The following FHIP1A variants were observed in gnomAD, a reference collection of about 807,000 sequenced individuals.
The protein encoded by FHIP1A is FHF complex subunit HOOK interacting protein 1A.
Under a neutral mutation model 88.6 loss-of-function variants are expected in FHIP1A, and 61 were observed. The ratio of observed to expected loss-of-function variants is 0.69; its 90% confidence interval spans 0.56 to 0.85. FHIP1A has a LOEUF of 0.85. FHIP1A is among the 40% of genes least tolerant of loss of function. FHIP1A has a pLI of 0.00. For synonymous variants in FHIP1A, 478 were observed against 496.0 expected (o/e 0.96, Z 0.48); for missense variants, 1,154 against 1,273.5 (o/e 0.91, Z 1.43).
At chr4:151,572,279 TTGG>T (rs1431826964) in intron 4 of FHIP1A, among the ~76,000 whole-genome samples, 1 of 152,198 alleles carries the variant, frequency 6.6e-6, no homozygotes, top group African/African-American at 2.4e-5. Context: ...TACTGTGTGC[TTGG>T]TGGTAAGTTT....
At chr4:151,533,064 G>A (rs981665053) in intron 3 of FHIP1A, 8 of 152,306 alleles carry the variant, frequency 5.3e-5, no homozygotes, top group African/African-American at 1.4e-4. Flanking sequence ...TGCAACACTC[G>A]ACTGTCAGAT....
chr4:151,637,069 A>G (rs1243041872), intron 8 of FHIP1A, among the ~76,000 whole-genome samples: 2 of 152,170 alleles, frequency 1.3e-5, no homozygotes, highest in African/African-American at 4.8e-5. Context: ...TGGGAGAAAG[A>G]ATAGTCTTTT....
chr4:151,530,090 C>T (rs1304462024), intron 3 of FHIP1A, among the ~76,000 whole-genome samples: 2 of 152,078 alleles, frequency 1.3e-5, no homozygotes, highest in African/African-American at 4.8e-5. Flanking sequence ...ATAAGTCGTT[C>T]GAACTCAATG....
intron 2 of FHIP1A, among the ~76,000 whole-genome samples, chr4:151,458,305 A>G (rs1260554602): frequency 6.6e-6 from 1 of 152,118 alleles, no homozygotes; most frequent in Non-Finnish European, 1.5e-5. Context: ...GGCACCAACC[A>G]GTTTTGTGGC....
At chr4:151,492,072 A>G (rs1730302028) in intron 3 of FHIP1A, among the ~76,000 whole-genome samples, 1 of 152,232 alleles carries the variant, frequency 6.6e-6, no homozygotes, top group Admixed American at 6.5e-5. Flanking sequence ...TCAGTACTCC[A>G]CTGACAGCAC....
At chr4:151,638,315 TTGTGTGTGTG>T (rs146664249) in intron 8 of FHIP1A, among the ~76,000 whole-genome samples, 6 of 143,732 alleles carry the variant, frequency 4.2e-5, no homozygotes, top group Non-Finnish European at 6.1e-5. Flanking sequence ...AAATAGGAGA[TTGTGTGTGTG>T]TGTGTGTGTG....
chr4:151,601,237 A>C (rs930290320), intron 7 of FHIP1A, among the ~76,000 whole-genome samples: 1 of 152,124 alleles, frequency 6.6e-6, no homozygotes, highest in Non-Finnish European at 1.5e-5. Flanking sequence ...GGGTGAACCC[A>C]AGTGGAAAGC....
chr4:151,621,209 G>A (rs1027902974), intron 7 of FHIP1A, among the ~76,000 whole-genome samples: 3 of 151,988 alleles, frequency 2.0e-5, no homozygotes, highest in South Asian at 2.1e-4. Context: ...TCTGACTTGC[G>A]TTTCAGGTGA....
At chr4:151,412,253 C>G (rs1323203313) in intron 1 of FHIP1A, among the ~76,000 whole-genome samples, 4 of 152,148 alleles carry the variant, frequency 2.6e-5, no homozygotes, top group Non-Finnish European at 5.9e-5. Context: ...CAGGTGCCCA[C>G]CACCATGCTC....
chr4:151,532,964 A>G (rs1453244674), intron 3 of FHIP1A: 3 of 152,210 alleles, frequency 2.0e-5, no homozygotes, highest in Admixed American at 1.3e-4. Flanking sequence ...CCCTCCCACA[A>G]CACGTGGGAA....
intron 1 of FHIP1A, among the ~76,000 whole-genome samples, chr4:151,420,368 T>TGC (rs1733076260): frequency 2.8e-5 from 1 of 35,618 alleles, no homozygotes; most frequent in Non-Finnish European, 7.1e-5. Context: ...TTCATGTGTT[T>TGC]TTTGGCTGCA....
chr4:151,494,825 T>A (rs1419653904), intron 3 of FHIP1A, among the ~76,000 whole-genome samples: 1 of 152,258 alleles, frequency 6.6e-6, no homozygotes, highest in Non-Finnish European at 1.5e-5. Flanking sequence ...TTCCATTTGT[T>A]TGTGTCATCT....
chr4:151,548,414 A>T (rs1377968602), intron 3 of FHIP1A, among the ~76,000 whole-genome samples: 1 of 152,196 alleles, frequency 6.6e-6, no homozygotes, highest in East Asian at 1.9e-4. Context: ...AGTAAGTTAG[A>T]CATTCTAAGT....
chr4:151,646,730 T>A lies in FHIP1A; in HGVS notation c.1399T>A (p.Cys467Ser), dbSNP rs1736811093. The change falls in exon 10 of 14, where the codon TGT becomes AGT. Residue 467 changes from cysteine to serine, a missense_variant. Cys to Ser is a moderately radical substitution (Grantham distance 112). Transcript: ENST00000435205. Reference sequence around the variant, plus strand: ...GAGGGATTATATTCTCTGGTCAAAGTGTATGCATGACACTTCAGGTAGGAA... The same window carrying A: ...GAGGGATTATATTCTCTGGTCAAAGAGTATGCATGACACTTCAGGTAGGAA... ...QERDYILWSKCMHDTSGPVER... is the reference protein window; with the variant it reads ...QERDYILWSKSMHDTSGPVER... 6.5e-7 allele frequency: 1 copy of A among 1,550,312 alleles called. No homozygotes were observed. The highest frequency in any genetic ancestry group is 8.7e-7 in the Non-Finnish European group (1 of 1,146,424).
At chr4:151,443,981 C>G (rs184927224) in intron 1 of FHIP1A, among the ~76,000 whole-genome samples, 1 of 150,560 alleles carries the variant, frequency 6.6e-6, no homozygotes, top group African/African-American at 2.5e-5. Context: ...ACTTCACCCC[C>G]TATTTCCTGC....
Position 151,431,403 on chromosome 4 carries a change from T to G in FHIP1A, c.-356+21938T>G, listed in dbSNP as rs375109815. Among the ~76,000 whole-genome samples, 71 of 152,320 alleles carry G rather than the reference T, an allele frequency of 4.7e-4. 1 individual carries two copies. In the South Asian group the frequency reaches 0.013, roughly 28 times the overall value. ...TACATTTGCATTAAGCCCCTTATTA[T>G]TATTGTTTTTAAAAAAATCATTCTT... On this transcript the variant is annotated intron_variant, in intron 1 of 13. Coordinates refer to ENST00000435205, the MANE Select transcript of FHIP1A (RefSeq NM_001109977.3).
In FHIP1A at chr4:151,665,797, TGGG is replaced by T. The variant is rs925339996; in HGVS notation, c.*3047_*3049del. Among the ~76,000 whole-genome samples the T allele has an allele frequency of 6.6e-6, 1 of 152,190 alleles. No individual in the cohort carries two copies. Among genetic ancestry groups the T allele is most frequent in the Non-Finnish European group, 1.5e-5 (1 of 68,028 alleles). ...AGAAATATCTTTTTTTATAATGAGTTGGGGGGAAAATCTTAAATATGTTTGGCA... is the reference window on the plus strand; with the variant it reads ...AGAAATATCTTTTTTTATAATGAGTTGGGAAAATCTTAAATATGTTTGGCA... On this transcript the variant is annotated 3_prime_UTR_variant, in exon 14 of 14. Coordinates refer to ENST00000435205, the MANE Select transcript of FHIP1A (RefSeq NM_001109977.3).
At chr4:151,441,290 G>A (rs1189700469) in intron 1 of FHIP1A, among the ~76,000 whole-genome samples, 1 of 150,986 alleles carries the variant, frequency 6.6e-6, no homozygotes, top group Non-Finnish European at 1.5e-5. Flanking sequence ...GTTTTCAAGG[G>A]GTTTAGAAAA....
At chr4:151,647,646 T>C (rs556231525) in intron 10 of FHIP1A, among the ~76,000 whole-genome samples, 1 of 152,374 alleles carries the variant, frequency 6.6e-6, no homozygotes, top group South Asian at 2.1e-4. Flanking sequence ...TATATAAAGA[T>C]GCATGGAAAT....
Sources: gnomAD v4.1 joint callset for allele counts (sites outside exome capture counted in the v4.1 genomes callset) on GRCh38, gnomAD v4.1.1 for gene constraint, MANE v1.5 for transcripts, NCBI Gene and HGNC (gene_info 2026-07-23, HGNC 2026-07-21) for gene names.